CHCHD3: variants seen among roughly 807,000 people sequenced by gnomAD.
CHCHD3 encodes MICOS complex subunit MIC19.
CHCHD3 carries 20 observed loss-of-function variants against 38.2 expected under a neutral mutation model. The observed-to-expected ratio is 0.52, with a 90% CI of 0.37 to 0.76. CHCHD3 has a LOEUF of 0.76. Ranked by LOEUF, CHCHD3 falls within the 30% of genes least tolerant of loss-of-function variation. The pLI is 0.00. For synonymous variants in CHCHD3, 82 were observed against 100.0 expected (o/e 0.82, Z 1.07); for missense variants, 245 against 279.2 (o/e 0.88, Z 0.87).
chr7:133,040,905 G>A (rs1242928412), intron 2 of CHCHD3, among the ~76,000 whole-genome samples: 1 of 152,222 alleles, frequency 6.6e-6, no homozygotes, highest in Non-Finnish European at 1.5e-5. Context: ...CCCAGGGTAA[G>A]TAAGCCATAA....
intron 3 of CHCHD3, among the ~76,000 whole-genome samples, chr7:133,018,676 G>A (rs1390888942): frequency 6.6e-6 from 1 of 152,074 alleles, no homozygotes; most frequent in Non-Finnish European, 1.5e-5. Flanking sequence ...TCTCTGGTCA[G>A]TAGCCAATTT....
chr7:132,823,504 G>A (rs1807434366), intron 6 of CHCHD3, among the ~76,000 whole-genome samples: 1 of 152,102 alleles, frequency 6.6e-6, no homozygotes. Context: ...AGATAAGGGG[G>A]GCCACCTGTA....
rs1188571115 is a variant in CHCHD3 at position 132,985,665 on chromosome 7, T to A, written c.252-10379A>T. On this transcript the variant is annotated intron_variant, in intron 3 of 7. Coordinates refer to ENST00000262570, the MANE Select transcript of CHCHD3 (RefSeq NM_017812.4). ...CCCCTCTGCCCGGCCAGCCGCCCCA[T>A]CCGGGAGGGAGGTGGGGGGGGGGTC... is the stretch of plus-strand genomic sequence containing the variant. Among the ~76,000 whole-genome samples the A allele has an allele frequency of 7.0e-5, 2 of 28,610 alleles. 1 individual carries two copies. Among genetic ancestry groups the A allele is most frequent in the Non-Finnish European group, 1.3e-4 (2 of 15,730 alleles). 18.8% of individuals were successfully genotyped at this position (28,610 alleles called of 152,430 possible).
chr7:132,849,881 T>C (rs2117113972), intron 5 of CHCHD3, among the ~76,000 whole-genome samples: 1 of 152,254 alleles, frequency 6.6e-6, no homozygotes, highest in Admixed American at 6.5e-5. Flanking sequence ...GGTGCTGCAA[T>C]GGAATAATAG....
chr7:132,980,372 T>A (rs1187297758), intron 3 of CHCHD3, among the ~76,000 whole-genome samples: 2 of 152,370 alleles, frequency 1.3e-5, no homozygotes, highest in South Asian at 4.1e-4. Context: ...ATACATTCCT[T>A]TTTTATTTAT....
rs1302975485 is a variant in CHCHD3 at position 132,837,244 on chromosome 7, G to T, written c.524+1155C>A. On this transcript the variant is annotated intron_variant, in intron 6 of 7. Transcript: ENST00000262570. ...TTCTCATGGGATAGAGACAAAAAAA[G>T]GTTTACCACCTAAAAAAAAGTCATT... 2.6e-5 allele frequency among the ~76,000 whole-genome samples: 4 copies of T among 151,840 alleles called. No homozygotes were observed. In the East Asian group the frequency reaches 5.8e-4, roughly 22 times the overall value.
intron 2 of CHCHD3, among the ~76,000 whole-genome samples, chr7:133,036,662 AT>A (rs1267447777): frequency 1.3e-5 from 2 of 152,218 alleles, no homozygotes; most frequent in Non-Finnish European, 2.9e-5. Flanking sequence ...CTGTGACTTT[AT>A]TTCTAATCTA....
intron 1 of CHCHD3, among the ~76,000 whole-genome samples, chr7:133,074,464 T>C (rs898408747): frequency 1.3e-5 from 2 of 152,044 alleles, no homozygotes; most frequent in African/African-American, 4.8e-5. Context: ...CTGAAACCCA[T>C]CTGAGAAACT....
chr7:133,063,504 ACTTT>A (rs980916516), intron 2 of CHCHD3, among the ~76,000 whole-genome samples: 5 of 152,110 alleles, frequency 3.3e-5, no homozygotes, highest in African/African-American at 9.7e-5. Context: ...TTTGAGGGCA[ACTTT>A]CTTTCTTTCT....
At chr7:133,045,266 C>T (rs547562039) in intron 2 of CHCHD3, among the ~76,000 whole-genome samples, 4 of 152,194 alleles carry the variant, frequency 2.6e-5, no homozygotes, top group African/African-American at 9.6e-5. Flanking sequence ...TGACAACTGA[C>T]GAAGAGGTTC....
chr7:132,948,779 C>T (rs1052087343), intron 4 of CHCHD3, among the ~76,000 whole-genome samples: 6 of 152,056 alleles, frequency 3.9e-5, no homozygotes, highest in African/African-American at 7.2e-5. Context: ...GTAATTAAAA[C>T]GGCTGCTTAG....
At chr7:133,012,441 G>C (rs1487405872) in intron 3 of CHCHD3, among the ~76,000 whole-genome samples, 2 of 152,032 alleles carry the variant, frequency 1.3e-5, no homozygotes, top group Non-Finnish European at 2.9e-5. Context: ...CCATAATTAA[G>C]GCATAGTTTA....
At chr7:133,048,467 T>C (rs902400947) in intron 2 of CHCHD3, among the ~76,000 whole-genome samples, 6 of 152,178 alleles carry the variant, frequency 3.9e-5, no homozygotes, top group Non-Finnish European at 8.8e-5. Flanking sequence ...GCAGGATTTT[T>C]ACTAATTCCA....
chr7:133,031,379 C>G (rs1813498774), intron 2 of CHCHD3, among the ~76,000 whole-genome samples: 1 of 152,054 alleles, frequency 6.6e-6, no homozygotes, highest in Non-Finnish European at 1.5e-5. Flanking sequence ...ACTCATCAAC[C>G]ATGAAAAACA....
At chr7:132,988,309 ACACACACC>A (rs1460039343) in intron 3 of CHCHD3, among the ~76,000 whole-genome samples, 3 of 151,788 alleles carry the variant, frequency 2.0e-5, no homozygotes, top group Admixed American at 6.6e-5. Context: ...ACCCACACAC[ACACACACC>A]CACACAAATA....
intron 5 of CHCHD3, among the ~76,000 whole-genome samples, chr7:132,883,599 T>G (rs1809128610): frequency 6.6e-6 from 1 of 152,112 alleles, no homozygotes; most frequent in Non-Finnish European, 1.5e-5. Flanking sequence ...CTATATGAGC[T>G]TCATACTTCA....
At chr7:132,993,735 C>A (rs960578980) in intron 3 of CHCHD3, among the ~76,000 whole-genome samples, 1 of 152,288 alleles carries the variant, frequency 6.6e-6, no homozygotes, top group East Asian at 1.9e-4. Flanking sequence ...CCCTCACCCA[C>A]CCAAACCAGT....
intron 2 of CHCHD3, among the ~76,000 whole-genome samples, chr7:133,068,430 G>A (rs1341757760): frequency 6.6e-6 from 1 of 152,178 alleles, no homozygotes; most frequent in Admixed American, 6.5e-5. Flanking sequence ...TGAATAATGT[G>A]ATGATGTTGG....
At chr7:132,898,363 G>A (rs1312457177) in intron 4 of CHCHD3, among the ~76,000 whole-genome samples, 1 of 152,190 alleles carries the variant, frequency 6.6e-6, no homozygotes, top group African/African-American at 2.4e-5. Context: ...CCCTGAGCTA[G>A]ACACAAAGAT....
Sources: gnomAD v4.1 joint callset for allele counts (sites outside exome capture counted in the v4.1 genomes callset) on GRCh38, gnomAD v4.1.1 for gene constraint, MANE v1.5 for transcripts, NCBI Gene and HGNC (gene_info 2026-07-23, HGNC 2026-07-21) for gene names.